The following THAP3 variants were observed in gnomAD, a reference collection of about 807,000 sequenced individuals.
THAP3 encodes THAP domain-containing protein 3.
In THAP3, 12 loss-of-function variants were observed where a neutral mutation model predicts 17.7. That is an observed-to-expected ratio of 0.68 (90% CI 0.43 to 1.10). The LOEUF is 1.10. THAP3 is among the 50% of genes least tolerant of loss of function. The probability of loss-of-function intolerance (pLI) is 0.00; values close to 1 mark genes in which losing one functional copy is unlikely to be tolerated. For synonymous variants in THAP3, 133 were observed against 126.9 expected, an observed-to-expected ratio of 1.05 and a Z score of -0.32; for missense variants, 289 against 318.0, an observed-to-expected ratio of 0.91 and a Z score of 0.69.
chr1:6,629,785 G>A (rs995981696), intron 3 of THAP3: 1 of 169,964 alleles, frequency 5.9e-6, no homozygotes, highest in Non-Finnish European at 1.3e-5. Context: ...CGTTTGTCCT[G>A]GAAAGATGAC....
downstream of THAP3, chr1:6,634,709 G>A (rs1641722827): frequency 1.5e-6 from 2 of 1,364,090 alleles, no homozygotes; most frequent in Non-Finnish European, 2.0e-6. Flanking sequence ...AGGGTCTGAA[G>A]GAAGGCTCCG....
downstream of THAP3, among the ~76,000 whole-genome samples, chr1:6,633,787 G>T (rs962456556): frequency 1.3e-5 from 2 of 152,056 alleles, no homozygotes; most frequent in African/African-American, 4.8e-5. Context: ...GCACACACCT[G>T]TAGTCCCAGC....
intron 2 of THAP3, 79 bp downstream of exon 2, chr1:6,625,371 G>A (rs946031155): frequency 1.4e-6 from 2 of 1,379,788 alleles, no homozygotes; most frequent in South Asian, 2.9e-5. Flanking sequence ...GGCGCGCCGG[G>A]CGGGAGGCCC....
downstream of THAP3, chr1:6,634,387 G>A (rs958297266): frequency 1.8e-5 from 22 of 1,199,192 alleles, no homozygotes; most frequent in African/African-American, 4.7e-5. Flanking sequence ...TGGACAACCC[G>A]AACTGCTTTT....
At chr1:6,626,135 C>T (rs1195522372) in intron 2 of THAP3, among the ~76,000 whole-genome samples, 2 of 152,076 alleles carry the variant, frequency 1.3e-5, no homozygotes, top group African/African-American at 2.4e-5. Flanking sequence ...GAAGGAGACC[C>T]TACCTCTACA....
chr1:6,634,663 C>T (rs116290936), downstream of THAP3: 2,581 of 1,366,424 alleles, frequency 1.9e-3, 39 homozygotes, highest in African/African-American at 0.033. Flanking sequence ...GTCCTAGCTC[C>T]GCTGCATTCT....
intron 3 of THAP3, 97 bp from the exon 4 acceptor site, chr1:6,630,191 G>C: frequency 9.4e-7 from 1 of 1,066,720 alleles, no homozygotes; most frequent in Non-Finnish European, 1.5e-6. Flanking sequence ...GGGGCATGCA[G>C]TGGGCCGAGC....
At chr1:6,632,154 T>G (rs1641632099) in intron 4 of THAP3, among the ~76,000 whole-genome samples, 1 of 151,258 alleles carries the variant, frequency 6.6e-6, no homozygotes. Flanking sequence ...GGGTGGAGGT[T>G]GCAGTGAGCC....
At chr1:6,630,266 A>G in intron 3 of THAP3, 22 bp from the exon 4 acceptor site, 2 of 1,612,970 alleles carry the variant, frequency 1.2e-6, no homozygotes, top group Non-Finnish European at 1.7e-6. Context: ...GTCTGCATCC[A>G]CTCTGTGTGT....
In THAP3 at chr1:6,625,023, T is replaced by G; in HGVS notation, c.-70+69T>G. The G allele has an allele frequency of 8.5e-6, 5 of 585,516 alleles. 1 individual carries two copies. The South Asian group carries it at 1.0e-4, about 12-fold the overall frequency. 36.3% of individuals were successfully genotyped at this position (585,516 alleles called of 1,614,324 possible). A position where few individuals can be genotyped will look rare whatever the true frequency, so the allele number is the denominator to read the frequency against. On this transcript the variant is annotated intron_variant, in intron 1 of 5. Transcript: ENST00000054650. ...CCTGAATTGGGGCCCGGAGCACCCC[T>G]TTACGTGGCGCCCCGGGTCCCGTCC... is the stretch of plus-strand genomic sequence containing the variant.
Position 6,625,288 on chromosome 1 carries a change from C to T in THAP3, c.70C>T (p.His24Tyr). ...CAGCCGCAGGAAGCAGCTCACCTTC[C>T]ACCGGTAAGAGGCGGGGACCCGGGG... ...YSSRRKQLTF[H>Y]RFPFSRPELL... Residue 24 changes from histidine (H) to tyrosine (Y), a missense_variant, in exon 2 of 6, where the codon CAC becomes TAC. Coordinates refer to ENST00000054650, the MANE Select transcript of THAP3 (RefSeq NM_001195753.2). 6.5e-7 allele frequency: 1 copy of T among 1,540,696 alleles called. No individual in the cohort carries two copies. Among genetic ancestry groups the T allele is most frequent in the Non-Finnish European group, 8.7e-7 (1 of 1,145,456 alleles).
At chr1:6,634,519 A>G, downstream of THAP3, 1 of 1,358,186 alleles carries the variant, frequency 7.4e-7, no homozygotes, top group Non-Finnish European at 9.8e-7. Context: ...CCCCCGCGCC[A>G]GCTGTCTCAG....
chr1:6,630,751 A>T (rs1641588065), intron 4 of THAP3, among the ~76,000 whole-genome samples: 1 of 151,918 alleles, frequency 6.6e-6, no homozygotes, highest in Admixed American at 6.6e-5. Flanking sequence ...TTGTGTTTTG[A>T]AATAGAGACG....
chr1:6,632,704 GGTT>G, intron 5 of THAP3, 89 bp from the exon 6 acceptor site: 2 of 1,522,620 alleles, frequency 1.3e-6, no homozygotes, highest in African/African-American at 2.7e-5. Context: ...GCTGCCCTGG[GGTT>G]GTGCTGTGTG....
At chr1:6,632,213 CAA>C (rs34491693) in intron 4 of THAP3, among the ~76,000 whole-genome samples, 176 bp from the exon 5 acceptor site, 3 of 144,002 alleles carry the variant, frequency 2.1e-5, no homozygotes, top group Non-Finnish European at 3.0e-5. Flanking sequence ...GAGACTGTCT[CAA>C]AAAAAAAAAA....
chr1:6,630,537 G>T (rs534977029), intron 4 of THAP3, among the ~76,000 whole-genome samples, 184 bp downstream of exon 4: 9 of 152,252 alleles, frequency 5.9e-5, no homozygotes, highest in Admixed American at 5.9e-4. Context: ...CAATATCAAA[G>T]AATCTCAGTT....
chr1:6,633,976 A>T, downstream of THAP3: 1 of 1,566,362 alleles, frequency 6.4e-7, no homozygotes, highest in Non-Finnish European at 8.7e-7. Context: ...TAAAGAAAAA[A>T]GTTCTAGCCT....
chr1:6,630,832 A>G (rs967385632), intron 4 of THAP3, among the ~76,000 whole-genome samples: 2 of 151,804 alleles, frequency 1.3e-5, no homozygotes, highest in Admixed American at 6.6e-5. Flanking sequence ...TCTGCCTCAC[A>G]AAGTGCTGGG....
chr1:6,625,429 C>G (rs1476593780), intron 2 of THAP3, 137 bp downstream of exon 2: 11 of 645,336 alleles, frequency 1.7e-5, no homozygotes, highest in African/African-American at 7.8e-5. Context: ...GTCCTGGGCC[C>G]AGAGGGGCTG....
Sources: allele counts gnomAD v4.1 joint callset (sites outside exome capture counted in the v4.1 genomes callset), GRCh38; gene constraint gnomAD v4.1.1; transcripts MANE v1.5; gene names NCBI Gene and HGNC (gene_info 2026-07-23, HGNC 2026-07-21).